PRKAG1: variants seen among roughly 807,000 people sequenced by gnomAD.
PRKAG1 encodes protein kinase AMP-activated non-catalytic subunit gamma 1.
In PRKAG1, 27 loss-of-function variants were observed where a neutral mutation model predicts 48.2. That is an observed-to-expected ratio of 0.56 (90% CI 0.41 to 0.77). The LOEUF is 0.77. PRKAG1 is among the 30% of genes least tolerant of loss of function. The pLI, the probability that PRKAG1 is intolerant of heterozygous loss-of-function variation, is 0.00. For synonymous variants in PRKAG1, 130 were observed against 147.7 expected (o/e 0.88, Z 0.87); for missense variants, 287 against 398.3 (o/e 0.72, Z 2.38).
chr12:49,004,502 C>T lies in PRKAG1; in HGVS notation c.537+5G>A, dbSNP rs1941436017. 1.2e-6 allele frequency: 2 copies of T among 1,613,692 alleles called. No individual in the cohort carries two copies. The highest frequency in any genetic ancestry group is 1.7e-5 in the Admixed American group (1 of 59,980). ...GAAAAAAGAACTGGGCTGAGGAGCA[C>T]TTACAAACAATTTGAGGAACTTCAG... On this transcript the variant is annotated splice_donor_5th_base_variant and intron_variant, in intron 8 of 11. Transcript: ENST00000548065.
chr12:49,004,827 G>GAC, intron 7 of PRKAG1, 137 bp downstream of exon 7: 1 of 887,862 alleles, frequency 1.1e-6, no homozygotes, highest in Non-Finnish European at 1.8e-6. Flanking sequence ...GTGTGTGTGT[G>GAC]TGTGTGTGTG....
At position 49,005,053 on chromosome 12, in the gene PRKAG1, C is replaced by G. The variant is rs199935089; in HGVS notation, c.356-35G>C. On this transcript the variant is annotated intron_variant, in intron 6 of 11. Coordinates refer to ENST00000548065, the MANE Select transcript of PRKAG1 (RefSeq NM_002733.5). This position sits in a 1 kb window ranked among gnomAD's most constrained non-coding sequence, Gnocchi z 4.1. ...AAAGGGATGGGTCACAAAATACCAC[C>G]ATGGAAAAGTGTTTCCCAGAAACCC... 4.7e-5 allele frequency: 76 copies of G among 1,613,378 alleles called. 2 individuals carry two copies. The highest frequency in any genetic ancestry group is 4.3e-4 in the South Asian group (39 of 90,992).
intron 2 of PRKAG1, among the ~76,000 whole-genome samples, chr12:49,011,432 C>T (rs1941756732): frequency 2.0e-5 from 3 of 151,774 alleles, no homozygotes; most frequent in South Asian, 2.1e-4. Context: ...AGGCTGGTTT[C>T]GAACTCCTGA....
At position 49,003,154 on chromosome 12, in the gene PRKAG1, A is replaced by G. The variant is rs753716452; in HGVS notation, c.878T>C (p.Val293Ala). ...ETLETIINRLVEAEVHRLVVV... is the reference protein window; with the variant it reads ...ETLETIINRLAEAEVHRLVVV... ...TGCTGGCCTCCCTACCTCTGCTTCC[A>G]CTAGCCTGTTGATGATGGTCTCCAG... Residue 293 changes from valine (V) to alanine (A), a missense_variant, in exon 11 of 12, where the codon GTG (valine) becomes GCG (alanine). Coordinates refer to ENST00000548065, the MANE Select transcript of PRKAG1 (RefSeq NM_002733.5). The G allele has an allele frequency of 3.1e-6, 5 of 1,614,042 alleles. No individual in the cohort carries two copies. The South Asian group carries it at 5.5e-5, about 18-fold the overall frequency.
chr12:49,016,627 T>C (rs1941985893), intron 1 of PRKAG1: 1 of 154,010 alleles, frequency 6.5e-6, no homozygotes, highest in Admixed American at 6.5e-5. Context: ...TTGTTTAAAC[T>C]GGGGTCCTTG....
intron 9 of PRKAG1, 23 bp downstream of exon 9, chr12:49,003,734 T>C: frequency 6.2e-7 from 1 of 1,608,014 alleles, no homozygotes; most frequent in African/African-American, 1.3e-5. Flanking sequence ...CTTCCCTCCC[T>C]CTCCTTCTGC....
In PRKAG1 at chr12:49,004,765, AAGAGAAAGAG is replaced by A. The variant is rs1941450075; in HGVS notation, c.411-142_411-133del. ...GGGGGCAGTGTACAGGCCAGACTTA[AAGAGAAAGAG>A]AGAGAGAGAGAGAGTGAGAATGAGA... is the stretch of plus-strand genomic sequence containing the variant. On this transcript the variant is annotated intron_variant, in intron 7 of 11. Coordinates refer to ENST00000548065, the MANE Select transcript of PRKAG1 (RefSeq NM_002733.5). The A allele has an allele frequency of 1.4e-5, 20 of 1,400,818 alleles. No homozygotes were observed. The South Asian group carries it at 2.5e-4, about 18-fold the overall frequency. 86.8% of individuals were successfully genotyped at this position (1,400,818 alleles called of 1,614,324 possible).
At chr12:49,016,176 C>T (rs1405570344) in intron 1 of PRKAG1, among the ~76,000 whole-genome samples, 3 of 152,072 alleles carry the variant, frequency 2.0e-5, no homozygotes, top group East Asian at 3.9e-4. Flanking sequence ...TGGGCTCAAG[C>T]GATCCGGCCA....
chr12:49,003,588 C>A lies in PRKAG1; in HGVS notation c.711G>T (p.Val237=), dbSNP rs1371700936. 1.9e-6 allele frequency: 3 copies of A among 1,613,648 alleles called. No individual in the cohort carries two copies. Among genetic ancestry groups the A allele is most frequent in the African/African-American group, 1.3e-5 (1 of 74,874 alleles). The part of the protein sequence containing the change: ...ALPVVDEKGR[V]VDIYSKFDVI... The stretch of plus-strand genomic sequence containing the variant: ...CATCAAACTTGGAGTAGATGTCCAC[C>A]ACACGCCCTAGGGGGACAGAGGCAG... The change falls in exon 10 of 12, where the codon GTG becomes GTT. Residue 237 remains valine (V), a synonymous_variant. Transcript: ENST00000548065.
At chr12:49,004,805 G>A in intron 7 of PRKAG1, 159 bp downstream of exon 7, 1 of 1,274,516 alleles carries the variant, frequency 7.8e-7, no homozygotes. Context: ...ATGAGAGAGA[G>A]AGAGAGACTG....
At chr12:49,004,813 C>CCGTGTGTGTG (rs1555181379) in intron 7 of PRKAG1, 151 bp downstream of exon 7, 1 of 666,472 alleles carries the variant, frequency 1.5e-6, no homozygotes, top group East Asian at 3.5e-5. Context: ...GAGAGAGAGA[C>CCGTGTGTGTG]TGTGTGTGTG....
chr12:49,013,509 A>G (rs1046739274), intron 1 of PRKAG1, among the ~76,000 whole-genome samples: 2 of 152,138 alleles, frequency 1.3e-5, no homozygotes, highest in Non-Finnish European at 2.9e-5. Flanking sequence ...CTCTCAAAGC[A>G]CTACGATTAC....
intron 1 of PRKAG1, among the ~76,000 whole-genome samples, chr12:49,015,206 T>C (rs1941916326): frequency 6.6e-6 from 1 of 152,126 alleles, no homozygotes; most frequent in Admixed American, 6.5e-5. Flanking sequence ...GTGATAAAGA[T>C]AGACACATGA....
At chr12:49,018,393 C>T (rs1942090343) in intron 1 of PRKAG1, 3 of 1,156,442 alleles carry the variant, frequency 2.6e-6, no homozygotes, top group Non-Finnish European at 3.3e-6. Context: ...GGCTCACAAC[C>T]CTGCGCTCTC....
intron 2 of PRKAG1, 110 bp downstream of exon 2, chr12:49,012,952 C>G: frequency 8.8e-7 from 1 of 1,132,176 alleles, no homozygotes. Flanking sequence ...GGCACATTAT[C>G]TGGCCCTGCT....
chr12:49,003,509 C>T (rs1402049755), intron 10 of PRKAG1, 49 bp downstream of exon 10: 13 of 1,060,290 alleles, frequency 1.2e-5, no homozygotes, highest in Admixed American at 2.6e-5. Flanking sequence ...TTTAACAGTG[C>T]CCCCCCCCCA....
In PRKAG1 at chr12:49,002,506, A is replaced by G. The variant is rs1941330482; in HGVS notation, c.*393T>C. The G allele has an allele frequency of 5.9e-6, 2 of 337,542 alleles. No individual in the cohort carries two copies. The highest frequency in any genetic ancestry group is 1.2e-5 in the Non-Finnish European group (2 of 172,386). 20.9% of individuals were successfully genotyped at this position (337,542 alleles called of 1,614,324 possible). A position where few individuals can be genotyped will look rare whatever the true frequency, so the allele number is the denominator to read the frequency against. ...GGAACAGGTGAATAAAAATATCTTT[A>G]TGAAGAATTTTGTTGTGCTATTATC... On this transcript the variant is annotated 3_prime_UTR_variant, in exon 12 of 12. Transcript: ENST00000548065.
chr12:49,002,824 T>C lies in PRKAG1; in HGVS notation c.*75A>G. The C allele has an allele frequency of 7.2e-7, 1 of 1,379,478 alleles. No individual in the cohort carries two copies. 85.5% of individuals were successfully genotyped at this position (1,379,478 alleles called of 1,614,324 possible). A position where few individuals can be genotyped will look rare whatever the true frequency, so the allele number is the denominator to read the frequency against. On this transcript the variant is annotated 3_prime_UTR_variant, in exon 12 of 12. Transcript: ENST00000548065. ...AGAGTCACAATTCCCTCAAGTTTCA[T>C]CTGATTCCCACAGAGCTTCCAGCAG...
rs1729434733 is a variant in PRKAG1 at position 49,004,612 on chromosome 12, T to C, written c.432A>G (p.Ser144=). 1.9e-6 allele frequency: 3 copies of C among 1,614,060 alleles called. No individual in the cohort carries two copies. Among genetic ancestry groups the C allele is most frequent in the Non-Finnish European group, 1.7e-6 (2 of 1,180,006 alleles). The change falls in exon 8 of 12, where the codon TCA becomes TCG. Residue 144 remains serine, a synonymous_variant. Coordinates refer to ENST00000548065, the MANE Select transcript of PRKAG1 (RefSeq NM_002733.5). ...GCCTGTGGATCTTGTTCCGAATTAA[T>C]GAAGAGACAGCATCAAACAAGCTGT... ...PNASLFDAVS[S]LIRNKIHRLP... is the part of the protein sequence containing the mutation.
Sources: gnomAD v4.1 joint callset for allele counts (sites outside exome capture counted in the v4.1 genomes callset) on GRCh38, gnomAD v4.1.1 for gene constraint, Gnocchi (gnomAD v3.1) non-coding constraint, MANE v1.5 for transcripts, NCBI Gene and HGNC (gene_info 2026-07-23, HGNC 2026-07-21) for gene names.